NBPF20: variants seen among roughly 807,000 people sequenced by gnomAD.
NBPF20 encodes the protein NBPF family member NBPF20.
NBPF20 carries 90 observed loss-of-function variants against 68.1 expected under a neutral mutation model. That is an observed-to-expected ratio of 1.32 (90% confidence interval 1.11 to 1.58). NBPF20 has a LOEUF of 1.58. Among genes scored for constraint, NBPF20 ranks in the 40% most tolerant of loss-of-function variants. The probability of loss-of-function intolerance (pLI) is 0.00; values close to 1 mark genes in which losing one functional copy is unlikely to be tolerated. For missense variants in NBPF20, 816 were observed against 601.2 expected, an observed-to-expected ratio of 1.36 and a Z score of -3.74; for synonymous variants, 290 against 228.1, an observed-to-expected ratio of 1.27 and a Z score of -2.45.
At chr1:145,394,223 G>A (rs1662100392) in intron 8 of NBPF20, among the ~76,000 whole-genome samples, 1 of 151,806 alleles carries the variant, frequency 6.6e-6, no homozygotes, top group South Asian at 2.1e-4. Flanking sequence ...ATAAATTGTA[G>A]GCAAATAGTT....
the NBPF20 span, among the ~76,000 whole-genome samples, chr1:145,421,437 C>T: frequency 6.6e-6 from 1 of 152,188 alleles, no homozygotes. Context: ...CTGCTGTATA[C>T]AAGCTATTTT....
intron 2 of NBPF20, among the ~76,000 whole-genome samples, chr1:145,404,396 T>C (rs1662672339): frequency 6.6e-6 from 1 of 152,012 alleles, no homozygotes; most frequent in Non-Finnish European, 1.5e-5. Context: ...TTAGTGGTGA[T>C]TACAGTTGCC....
chr1:145,393,673 T>A (rs1159968543), intron 9 of NBPF20: 1 of 1,365,568 alleles, frequency 7.3e-7, no homozygotes, highest in South Asian at 1.4e-5. Flanking sequence ...TGAGTTATGG[T>A]CAACTTTCAC....
chr1:145,395,545 C>A (rs1408069808), intron 7 of NBPF20, among the ~76,000 whole-genome samples: 2 of 148,598 alleles, frequency 1.3e-5, no homozygotes, highest in South Asian at 2.2e-4. Context: ...TTAAGGGCCC[C>A]ATTTTCCCAA....
At chr1:145,377,762 GAA>G (rs1661835237) in intron 29 of NBPF20, among the ~76,000 whole-genome samples, 1 of 68,982 alleles carries the variant, frequency 1.4e-5, no homozygotes, top group African/African-American at 5.7e-5. Flanking sequence ...CAGTGATCAT[GAA>G]AAGAGTGGGC....
chr1:145,295,289 A>G lies in NBPF20; in HGVS notation c.16190+278T>C, dbSNP rs1205578114. 4.8e-4 allele frequency: 134 copies of G among 280,624 alleles called. No individual in the cohort carries two copies. In the Admixed American group the frequency reaches 4.9e-3, roughly 10 times the overall value. The allele number at this position is 280,624 out of a possible 1,614,324, so 17.4% of individuals were successfully genotyped here. On this transcript the variant is annotated intron_variant, in intron 133 of 137. Coordinates refer to ENST00000369373, the Ensembl canonical transcript of NBPF20. ...ACACACAGCGAACAGTGATCATGAA[A>G]AGAGTGGGCTCAATAATTTTCCATA...
chr1:145,372,573 G>A, exon 36 of NBPF20: 1 of 334,092 alleles, frequency 3.0e-6, no homozygotes, highest in Non-Finnish European at 4.8e-6. Context: ...CACTGCTGTA[G>A]GGCTGGCCTA....
chr1:145,422,740 A>G, the NBPF20 span, among the ~76,000 whole-genome samples: 69 of 152,324 alleles, frequency 4.5e-4, no homozygotes, highest in African/African-American at 1.5e-3. Context: ...TGTAATCCCC[A>G]CACTCTGGGA....
At chr1:145,397,968 A>T (rs1465020430) in intron 7 of NBPF20, among the ~76,000 whole-genome samples, 107 of 152,332 alleles carry the variant, frequency 7.0e-4, no homozygotes, top group South Asian at 6.2e-4. Flanking sequence ...TAAACCAACC[A>T]AGATCAAAAG....
chr1:145,419,873 C>A, the NBPF20 span, among the ~76,000 whole-genome samples: 1 of 152,158 alleles, frequency 6.6e-6, no homozygotes. Context: ...CCTGGGGAAC[C>A]AAGAATTCCA....
chr1:145,393,705 T>C (rs1553662883), intron 9 of NBPF20, 179 bp downstream of exon 14: 70 of 1,470,706 alleles, frequency 4.8e-5, no homozygotes, highest in Non-Finnish European at 6.2e-5. Flanking sequence ...ATGATAAGGG[T>C]AGGAAGAAAT....
At chr1:145,398,396 T>C (rs1355543623) in intron 7 of NBPF20, among the ~76,000 whole-genome samples, 1 of 151,668 alleles carries the variant, frequency 6.6e-6, no homozygotes, top group African/African-American at 2.4e-5. Flanking sequence ...CACAGTGCAA[T>C]CAAATTAGAA....
At chr1:145,398,486 A>G (rs1424878808) in intron 7 of NBPF20, among the ~76,000 whole-genome samples, 1 of 152,182 alleles carries the variant, frequency 6.6e-6, no homozygotes, top group Non-Finnish European at 1.5e-5. Flanking sequence ...TACTGGGAAA[A>G]TAACAAAATG....
Position 145,292,592 on chromosome 1 carries a change from TAAG to T in NBPF20, c.16589-106_16589-104del, listed in dbSNP as rs1661205464. On this transcript the variant is annotated intron_variant, in intron 136 of 137. Transcript: ENST00000369373. ...CACAGGGACCTCAGGCTCCCCAGCATAAGAATAGGACACTTTGAGAGATATATT... is the reference window on the plus strand; with the variant it reads ...CACAGGGACCTCAGGCTCCCCAGCATAATAGGACACTTTGAGAGATATATT... The T allele has an allele frequency of 6.7e-6, 5 of 746,172 alleles. 1 individual carries two copies. In the Admixed American group the frequency reaches 9.4e-5, roughly 14 times the overall value. 46.2% of individuals were successfully genotyped at this position (746,172 alleles called of 1,614,324 possible).
intron 8 of NBPF20, among the ~76,000 whole-genome samples, chr1:145,394,682 A>G (rs1662128061): frequency 6.6e-6 from 1 of 151,974 alleles, no homozygotes; most frequent in Non-Finnish European, 1.5e-5. Context: ...ACTCCTGGGC[A>G]TGTGCTGCAT....
chr1:145,403,662 T>A (rs1400620045), intron 2 of NBPF20, among the ~76,000 whole-genome samples: 3 of 152,176 alleles, frequency 2.0e-5, no homozygotes, highest in Non-Finnish European at 4.4e-5. Context: ...AACACTGCAC[T>A]GGGGCATGAA....
the NBPF20 span, among the ~76,000 whole-genome samples, chr1:145,415,311 ACACCGAGACATTC>A: frequency 2.0e-5 from 3 of 151,054 alleles, no homozygotes; most frequent in African/African-American, 7.3e-5. Context: ...ATCGGGCTTT[ACACCGAGACATTC>A]CATTGCCCAG....
intron 7 of NBPF20, among the ~76,000 whole-genome samples, chr1:145,396,290 GAGA>G (rs1341910974): frequency 6.6e-6 from 1 of 151,940 alleles, no homozygotes; most frequent in African/African-American, 2.4e-5. Flanking sequence ...GAAGCGAGAA[GAGA>G]AGTTTAGAGA....
chr1:145,291,219 C>A, exon 138 of NBPF20: 2 of 522,170 alleles, frequency 3.8e-6, no homozygotes, highest in Admixed American at 6.5e-5. Flanking sequence ...AGAGACATGC[C>A]TGCAAAATGA....
Sources: allele counts gnomAD v4.1 joint callset (sites outside exome capture counted in the v4.1 genomes callset), GRCh38; gene constraint gnomAD v4.1.1; transcripts MANE v1.5; gene names NCBI Gene and HGNC (gene_info 2026-07-23, HGNC 2026-07-21).